Variants in PTPRN2 observed in about 807,000 individuals in gnomAD.
The protein encoded by PTPRN2 is protein tyrosine phosphatase receptor type N2, also known as receptor-type tyrosine-protein phosphatase N2.
PTPRN2 carries 74 observed loss-of-function variants against 118.8 expected under a neutral mutation model. That is an observed-to-expected ratio of 0.62 (90% CI 0.52 to 0.76). The LOEUF (loss-of-function observed/expected upper bound fraction) is 0.76, where lower values mean the gene tolerates loss of function less well. Ranked by LOEUF, PTPRN2 falls within the 30% of genes least tolerant of loss-of-function variation. The pLI is 0.00. For missense variants in PTPRN2, 1,481 were observed against 1,394.4 expected (o/e 1.06, Z -0.99); for synonymous variants, 641 against 608.0 (o/e 1.05, Z -0.80).
intron 9 of PTPRN2, among the ~76,000 whole-genome samples, chr7:158,115,360 T>C (rs1349173512): frequency 6.6e-6 from 1 of 152,076 alleles, no homozygotes; most frequent in African/African-American, 2.4e-5. Context: ...CTGCGATGTG[T>C]CAGCGGGTAA....
rs12113963 is a variant in PTPRN2 at position 157,982,257 on chromosome 7, C to T, written c.1724-83520G>A. On this transcript the variant is annotated intron_variant, in intron 11 of 22. Coordinates refer to ENST00000389418, the MANE Select transcript of PTPRN2 (RefSeq NM_002847.5). ...CAGAGTGCGGGGTCCCCCCAAACCC[C>T]GAGTCATAGAGCCAAGGAGGGGAAT... is the stretch of plus-strand genomic sequence containing the variant. Among the ~76,000 whole-genome samples the T allele has an allele frequency of 1.5e-3, 108 of 71,742 alleles. 2 individuals carry two copies. The highest frequency in any genetic ancestry group is 3.1e-3 in the African/African-American group (54 of 17,318). 47.1% of individuals were successfully genotyped at this position (71,742 alleles called of 152,430 possible).
rs1363078218 is a variant in PTPRN2 at position 158,138,278 on chromosome 7, A to G, written c.1132+16T>C. 1.2e-6 allele frequency: 2 copies of G among 1,609,602 alleles called. No individual in the cohort carries two copies. The highest frequency in any genetic ancestry group is 1.7e-6 in the Non-Finnish European group (2 of 1,178,766). ...GCAGCACCCCTGGGTGTGGGCACCCATGGCGCTGCAGTCACCTGGAAAGCT... is the reference window on the plus strand; with the variant it reads ...GCAGCACCCCTGGGTGTGGGCACCCGTGGCGCTGCAGTCACCTGGAAAGCT... On this transcript the variant is annotated intron_variant, in intron 7 of 22. Transcript: ENST00000389418.
chr7:157,813,410 G>T lies in PTPRN2; in HGVS notation c.1788+85263C>A, dbSNP rs2151122030. Reference sequence around the variant, plus strand: ...GAGACCAGAGTCAGAGGCGGACAGGGGTTCGATACGCCATTCAGGTCCCCA... The same window carrying T: ...GAGACCAGAGTCAGAGGCGGACAGGTGTTCGATACGCCATTCAGGTCCCCA... On this transcript the variant is annotated intron_variant, in intron 12 of 22. Transcript: ENST00000389418. The surrounding 1 kb of genome is among the most constrained non-coding windows in gnomAD (Gnocchi z 4.7). Among the ~76,000 whole-genome samples, 1 of 152,186 alleles carries T rather than the reference G, an allele frequency of 6.6e-6. No individual in the cohort carries two copies. The highest frequency in any genetic ancestry group is 2.4e-5 in the African/African-American group (1 of 41,478).
chr7:158,361,090 C>CG (rs145421632), intron 2 of PTPRN2, among the ~76,000 whole-genome samples: 53 of 4,776 alleles, frequency 0.011, no homozygotes, highest in African/African-American at 0.014. Flanking sequence ...ACAGACCCCA[C>CG]ATCCACCCTC....
At chr7:158,300,015 C>T (rs535540202) in intron 3 of PTPRN2, among the ~76,000 whole-genome samples, 1 of 152,262 alleles carries the variant, frequency 6.6e-6, no homozygotes, top group East Asian at 1.9e-4. Flanking sequence ...CCATTTCCTC[C>T]CAAGAAACAC....
intron 12 of PTPRN2, among the ~76,000 whole-genome samples, chr7:157,685,490 C>A (rs1427787562): frequency 2.6e-5 from 4 of 152,116 alleles, no homozygotes; most frequent in Non-Finnish European, 5.9e-5. Context: ...CCGGCTCCGG[C>A]TCCCCGAGGA....
rs1325228564 is a variant in PTPRN2, at chr7:157,929,756, G to C, written c.1724-31019C>G. Among the ~76,000 whole-genome samples the C allele has an allele frequency of 3.3e-5, 5 of 152,142 alleles. No individual in the cohort carries two copies. Among genetic ancestry groups the C allele is most frequent in the Admixed American group, 3.3e-4 (5 of 15,286 alleles). The stretch of plus-strand genomic sequence containing the variant: ...AGGAGCTCTGTGCTGCTGTTGAGAT[G>C]AATGGTGCCAGAAGGGAGTCTTTCC... On this transcript the variant is annotated intron_variant, in intron 11 of 22. Transcript: ENST00000389418. The surrounding 1 kb of genome is among the most constrained non-coding windows in gnomAD (Gnocchi z 4.4).
intron 2 of PTPRN2, among the ~76,000 whole-genome samples, chr7:158,456,723 A>G (rs1008773181): frequency 1.3e-5 from 2 of 152,224 alleles, no homozygotes; most frequent in African/African-American, 4.8e-5. Flanking sequence ...TCAGTTAGAG[A>G]AAATCTACTA....
In PTPRN2 at chr7:157,783,349, CA is replaced by C. The variant is rs200711746; in HGVS notation, c.1789-100413del. 7.6e-3 allele frequency among the ~76,000 whole-genome samples: 1,152 copies of C among 151,874 alleles called. 14 individuals carry two copies. The highest frequency in any genetic ancestry group is 0.026 in the African/African-American group (1,093 of 41,358). On this transcript the variant is annotated intron_variant, in intron 12 of 22. Transcript: ENST00000389418. Reference sequence around the variant, plus strand: ...ATATGTAATGCACAATGGACACTCCCATGCACAGCACACCGGGAGGGTCCTC... The same window carrying C: ...ATATGTAATGCACAATGGACACTCCCTGCACAGCACACCGGGAGGGTCCTC...
chr7:157,766,055 C>T (rs1802459142), intron 12 of PTPRN2, among the ~76,000 whole-genome samples: 1 of 144,086 alleles, frequency 6.9e-6, no homozygotes. Context: ...ATCCTTCCTC[C>T]ATCCATCCAT....
intron 11 of PTPRN2, among the ~76,000 whole-genome samples, chr7:158,066,281 A>G (rs1041437362): frequency 2.0e-5 from 3 of 152,206 alleles, no homozygotes; most frequent in Non-Finnish European, 2.9e-5. Context: ...AGTCCCCTCC[A>G]TTCAAGGCCT....
rs1485651915 is a variant in PTPRN2 at position 157,881,286 on chromosome 7, A to G, written c.1788+17387T>C. On this transcript the variant is annotated intron_variant, in intron 12 of 22. Transcript: ENST00000389418. This position sits in a 1 kb window ranked among gnomAD's most constrained non-coding sequence, Gnocchi z 4.7. ...GATGGGGGTGTTTACAGGAGTCATT[A>G]CAGTAAAATGTGGTCATCAGGGTGA... 6.6e-6 allele frequency among the ~76,000 whole-genome samples: 1 copy of G among 152,078 alleles called. No individual in the cohort carries two copies.
At position 157,794,945 on chromosome 7, in the gene PTPRN2, C is replaced by A. The variant is rs553896508; in HGVS notation, c.1788+103728G>T. Among the ~76,000 whole-genome samples the A allele has an allele frequency of 1.3e-5, 2 of 152,376 alleles. No individual in the cohort carries two copies. Among genetic ancestry groups the A allele is most frequent in the Admixed American group, 1.3e-4 (2 of 15,312 alleles). Reference sequence around the variant, plus strand: ...CCATGTGAAAGAGGCCAGAGTGCTTCCCTCACTTAGCGGGGATGCAATTAT... The same window carrying A: ...CCATGTGAAAGAGGCCAGAGTGCTTACCTCACTTAGCGGGGATGCAATTAT... On this transcript the variant is annotated intron_variant, in intron 12 of 22. Transcript: ENST00000389418. The surrounding 1 kb of genome is among the most constrained non-coding windows in gnomAD (Gnocchi z 5.2).
At chr7:158,134,815 C>T (rs1158195721) in intron 8 of PTPRN2, among the ~76,000 whole-genome samples, 2 of 152,188 alleles carry the variant, frequency 1.3e-5, no homozygotes, top group African/African-American at 2.4e-5. Flanking sequence ...GTAATTACTA[C>T]TCCAACCCCA....
At chr7:158,128,258 C>A (rs1279980069) in intron 9 of PTPRN2, among the ~76,000 whole-genome samples, 1 of 152,222 alleles carries the variant, frequency 6.6e-6, no homozygotes, top group Admixed American at 6.5e-5. Flanking sequence ...ACCTCAATCT[C>A]CTTGCAAGAA....
At chr7:158,147,385 T>C (rs1820221098) in intron 6 of PTPRN2, among the ~76,000 whole-genome samples, 1 of 30,952 alleles carries the variant, frequency 3.2e-5, no homozygotes, top group Admixed American at 3.6e-4. Context: ...ACACCCCATC[T>C]CACGCCACGT....
At chr7:158,255,786 C>T (rs1563045405) in intron 3 of PTPRN2, among the ~76,000 whole-genome samples, 2 of 138,290 alleles carry the variant, frequency 1.4e-5, no homozygotes, top group African/African-American at 2.6e-5. Context: ...GCCCTGGGCT[C>T]GCCAGCTGAT....
chr7:158,171,035 A>G (rs932593539), intron 5 of PTPRN2, among the ~76,000 whole-genome samples: 4 of 142,768 alleles, frequency 2.8e-5, no homozygotes, highest in Non-Finnish European at 4.5e-5. Flanking sequence ...ACACATATAT[A>G]TACACATACA....
chr7:157,829,871 G>A (rs1277580832), intron 12 of PTPRN2, among the ~76,000 whole-genome samples: 1 of 152,222 alleles, frequency 6.6e-6, no homozygotes, highest in Non-Finnish European at 1.5e-5. Flanking sequence ...ATCTCATGAT[G>A]GTGATGTCTC....
Sources: allele counts gnomAD v4.1 joint callset (sites outside exome capture counted in the v4.1 genomes callset), GRCh38; gene constraint gnomAD v4.1.1; non-coding constraint Gnocchi (gnomAD v3.1); transcripts MANE v1.5; gene names NCBI Gene and HGNC (gene_info 2026-07-23, HGNC 2026-07-21).